The following THBS4 variants were observed in gnomAD, a reference collection of about 807,000 sequenced individuals.
The protein encoded by THBS4 is thrombospondin-4.
In THBS4, 90 loss-of-function variants were observed where a neutral mutation model predicts 115.7. That is an observed-to-expected ratio of 0.78 (90% confidence interval 0.66 to 0.93). The LOEUF (loss-of-function observed/expected upper bound fraction) is 0.93, where lower values mean the gene tolerates loss of function less well. Among genes scored for constraint, THBS4 ranks in the 40% least tolerant of loss-of-function variants. The probability of loss-of-function intolerance (pLI) is 0.00; values close to 1 mark genes in which losing one functional copy is unlikely to be tolerated. For missense variants in THBS4, 1,087 were observed against 1,232.7 expected (o/e 0.88, Z 1.77); for synonymous variants, 460 against 479.3 (o/e 0.96, Z 0.53).
At chr5:80,032,282 A>T (rs978965157), upstream of THBS4, among the ~76,000 whole-genome samples, 8 of 152,330 alleles carry the variant, frequency 5.3e-5, no homozygotes, top group African/African-American at 1.9e-4. Context: ...CAAGCCCTCT[A>T]AAAGCAAAAC....
intron 1 of THBS4, among the ~76,000 whole-genome samples, chr5:79,998,057 C>T (rs1211125914): frequency 6.6e-6 from 1 of 152,134 alleles, no homozygotes; most frequent in Non-Finnish European, 1.5e-5. Context: ...ATACAAATAA[C>T]TCTTAAAACT....
chr5:80,013,233 G>C (rs1009298134), intron 2 of THBS4, among the ~76,000 whole-genome samples: 4 of 152,144 alleles, frequency 2.6e-5, no homozygotes, highest in African/African-American at 9.7e-5. Flanking sequence ...TCTGCCTCCT[G>C]TTTTCAAGTG....
chr5:80,082,382 C>T (rs750134134), intron 20 of THBS4, 24 bp from the exon 21 acceptor site: 1 of 1,611,098 alleles, frequency 6.2e-7, no homozygotes, highest in Non-Finnish European at 8.5e-7. Flanking sequence ...TTCATGGAGG[C>T]CCCTCCGGCC....
At chr5:80,024,266 GT>G (rs887092213) in intron 2 of THBS4, among the ~76,000 whole-genome samples, 1 of 152,162 alleles carries the variant, frequency 6.6e-6, no homozygotes, top group Non-Finnish European at 1.5e-5. Flanking sequence ...CATGGAGCCA[GT>G]ATTAAAGGCT....
At chr5:79,991,384 G>A (rs1831669233) in exon 1 of THBS4, 7 of 720,300 alleles carry the variant, frequency 9.7e-6, no homozygotes, top group Non-Finnish European at 1.3e-5. Flanking sequence ...GGATTAAGAA[G>A]AACTCTTAGG....
At chr5:80,075,627 C>T (rs1202591356) in intron 15 of THBS4, among the ~76,000 whole-genome samples, 1 of 152,238 alleles carries the variant, frequency 6.6e-6, no homozygotes, top group African/African-American at 2.4e-5. Flanking sequence ...TCCTGTCCCA[C>T]CAGCCTCTAG....
At chr5:79,991,740 C>T (rs921663999) in intron 1 of THBS4, among the ~76,000 whole-genome samples, 2 of 152,188 alleles carry the variant, frequency 1.3e-5, no homozygotes, top group African/African-American at 4.8e-5. Flanking sequence ...TATTTCTGAA[C>T]GTCAGGTAAA....
At chr5:80,070,459 A>C (rs1264508517) in intron 11 of THBS4, 49 bp downstream of exon 11, 1 of 1,550,820 alleles carries the variant, frequency 6.4e-7, no homozygotes, top group Non-Finnish European at 8.9e-7. Context: ...TGGCTTTCCA[A>C]AGTCACATCT....
At chr5:80,056,394 G>T (rs1212207121) in intron 3 of THBS4, among the ~76,000 whole-genome samples, 2 of 152,108 alleles carry the variant, frequency 1.3e-5, no homozygotes, top group Non-Finnish European at 2.9e-5. Flanking sequence ...CTACCTCAGG[G>T]TGATGACATT....
intron 2 of THBS4, among the ~76,000 whole-genome samples, chr5:80,017,263 G>A (rs899706255): frequency 5.3e-5 from 8 of 152,084 alleles, no homozygotes; most frequent in African/African-American, 1.7e-4. Context: ...CTTGGCACTC[G>A]AATCTGAAAG....
At chr5:80,079,529 T>C (rs1241596490) in intron 19 of THBS4, among the ~76,000 whole-genome samples, 1 of 152,198 alleles carries the variant, frequency 6.6e-6, no homozygotes, top group East Asian at 1.9e-4. Context: ...TGTTGGAAAC[T>C]GGCTAATAAA....
intron 2 of THBS4, among the ~76,000 whole-genome samples, chr5:80,005,868 G>C (rs553858162): frequency 1.4e-5 from 2 of 147,918 alleles, no homozygotes; most frequent in South Asian, 2.1e-4. Flanking sequence ...TCAGGTTCAA[G>C]CAATTCTCCT....
At chr5:80,000,170 C>T (rs1264241632) in intron 2 of THBS4, among the ~76,000 whole-genome samples, 1 of 152,170 alleles carries the variant, frequency 6.6e-6, no homozygotes, top group Non-Finnish European at 1.5e-5. Context: ...CATTTGATTA[C>T]ACCTGCATAA....
At chr5:80,072,116 A>C (rs1465738944) in intron 13 of THBS4, 162 bp from the exon 14 acceptor site, 2 of 675,090 alleles carry the variant, frequency 3.0e-6, no homozygotes, top group African/African-American at 1.8e-5. Context: ...TAAGTCTCCC[A>C]GAATCCGTCC....
chr5:80,065,516 C>T lies in THBS4; in HGVS notation c.1194+39C>T, dbSNP rs546048448. 2.5e-5 allele frequency: 39 copies of T among 1,578,324 alleles called. No individual in the cohort carries two copies. The South Asian group carries it at 3.6e-4, about 15-fold the overall frequency. On this transcript the variant is annotated intron_variant, in intron 9 of 21. Coordinates refer to ENST00000350881, the MANE Select transcript of THBS4 (RefSeq NM_003248.6). ...ACAGCTGTTGTTATCAAAGCAGAAC[C>T]GGTTATTAAAACAAGTGTATGTTTA... is the stretch of plus-strand genomic sequence containing the variant.
Position 80,068,118 on chromosome 5 carries a change from CAT to C in THBS4, c.1341_1342del (p.Cys450TrpfsTer33), listed in dbSNP as rs746021468. The C allele has an allele frequency of 1.9e-6, 3 of 1,613,872 alleles. No individual in the cohort carries two copies. Among genetic ancestry groups the C allele is most frequent in the East Asian group, 2.2e-5 (1 of 44,878 alleles). Reference sequence around the variant, plus strand: ...ATTGAAGAGAGGCAGGGGGATGTGACATGTGTGGTAAGTTGTTTTTTGACTTC... The same window carrying C: ...ATTGAAGAGAGGCAGGGGGATGTGACGTGTGGTAAGTTGTTTTTTGACTTC... On this transcript the variant is annotated frameshift_variant, in exon 10 of 22. Transcript: ENST00000350881. LOFTEE classifies it high-confidence loss of function.
chr5:80,070,089 G>A (rs1051628986), intron 10 of THBS4, among the ~76,000 whole-genome samples: 10 of 150,514 alleles, frequency 6.6e-5, no homozygotes, highest in Non-Finnish European at 1.3e-4. Context: ...GGAGTGGGAG[G>A]GAGAGTTTTC....
chr5:80,018,047 G>T lies in THBS4; in HGVS notation n.177+19620G>T, dbSNP rs77982687. Among the ~76,000 whole-genome samples the T allele has an allele frequency of 4.4e-3, 673 of 152,066 alleles. 7 individuals carry two copies. The highest frequency in any genetic ancestry group is 0.016 in the African/African-American group (647 of 41,498). On this transcript the variant is annotated intron_variant and non_coding_transcript_variant, in intron 2 of 3. Coordinates refer to the THBS4 transcript ENST00000510218. ...TGAACTTCCACTCTAATGTGCCAAG[G>T]AATTATTTTATTTGTATTTATCTGC...
chr5:80,039,969 C>A, intron 1 of THBS4, 108 bp from the exon 2 acceptor site: 1 of 953,582 alleles, frequency 1.0e-6, no homozygotes, highest in Non-Finnish European at 1.7e-6. Flanking sequence ...GATTAGTTTA[C>A]ATTACTTTGT....
Sources: allele counts gnomAD v4.1 joint callset (sites outside exome capture counted in the v4.1 genomes callset), GRCh38; gene constraint gnomAD v4.1.1; transcripts MANE v1.5; gene names NCBI Gene and HGNC (gene_info 2026-07-23, HGNC 2026-07-21).